The following TTYH2 variants were observed in gnomAD, a reference collection of about 807,000 sequenced individuals.
TTYH2 encodes the protein tweety family member 2.
A neutral mutation model predicts 68.3 loss-of-function variants in TTYH2; 49 were observed. The observed-to-expected ratio is 0.72, with a 90% CI of 0.57 to 0.91. The LOEUF (loss-of-function observed/expected upper bound fraction) is 0.91. TTYH2 is among the 40% of genes least tolerant of loss of function. The pLI is 0.00. For synonymous variants in TTYH2, 272 were observed against 300.8 expected (o/e 0.90, Z 0.99); for missense variants, 631 against 700.4 (o/e 0.90, Z 1.12).
chr17:74,239,741 G>A lies in TTYH2; in HGVS notation c.635+2227G>A, dbSNP rs1433026553. Among the ~76,000 whole-genome samples the A allele has an allele frequency of 2.0e-5, 3 of 152,198 alleles. No individual in the cohort carries two copies. The highest frequency in any genetic ancestry group is 4.4e-5 in the Non-Finnish European group (3 of 68,024). On this transcript the variant is annotated intron_variant, in intron 4 of 13. Coordinates refer to ENST00000269346, the MANE Select transcript of TTYH2 (RefSeq NM_032646.6). The surrounding 1 kb of genome is among the most constrained non-coding windows in gnomAD (Gnocchi z 5.3). ...CTCCCCAGCAGATGGATGCTCATGG[G>A]CAAAAGAGCCTCCCTCCCAAGGGAC...
At chr17:74,231,586 G>A (rs2050390196) in intron 3 of TTYH2, among the ~76,000 whole-genome samples, 1 of 151,944 alleles carries the variant, frequency 6.6e-6, no homozygotes, top group African/African-American at 2.4e-5. Flanking sequence ...CTGAGGCAGG[G>A]AGATCACTTG....
At chr17:74,233,529 G>A (rs2050411326) in intron 3 of TTYH2, among the ~76,000 whole-genome samples, 1 of 152,186 alleles carries the variant, frequency 6.6e-6, no homozygotes, top group Admixed American at 6.5e-5. Flanking sequence ...AGGCAGATGG[G>A]GGACTCGTCG....
chr17:74,260,160 C>T lies in TTYH2; in HGVS notation c.1556C>T (p.Ser519Phe), dbSNP rs374455076. The stretch of plus-strand genomic sequence containing the variant: ...CCCAGCATGAGAGCCACCTACCTGT[C>T]TGTGGCGGATGAGCACCTGAGGCAC... ...YSPSMRATYLSVADEHLRHYG... is the reference protein window; with the variant it reads ...YSPSMRATYLFVADEHLRHYG... The change falls in exon 14 of 14, where the codon TCT becomes TTT. Residue 519 changes from serine (S) to phenylalanine (F), a missense_variant. Physicochemically the swap from Ser to Phe is radical, Grantham distance 155. Coordinates refer to ENST00000269346, the MANE Select transcript of TTYH2 (RefSeq NM_032646.6). 1 of 1,613,826 alleles carries T rather than the reference C, an allele frequency of 6.2e-7. No individual in the cohort carries two copies. The highest frequency in any genetic ancestry group is 8.5e-7 in the Non-Finnish European group (1 of 1,179,868).
At position 74,253,084 on chromosome 17, in the gene TTYH2, CAG is replaced by C. The variant is rs1390274729; in HGVS notation, c.1267_1268del (p.Asp423LeufsTer3). The stretch of plus-strand genomic sequence containing the variant: ...CATCTTCTACCCATTGTTCTAGAAA[CAG>C]AGACTACGATGACATTGATGATGAT... ...RAWKHFTTRN[R>X]DYDDIDDDDP... On this transcript the variant is annotated frameshift_variant, in exon 12 of 14. Coordinates refer to ENST00000269346, the MANE Select transcript of TTYH2 (RefSeq NM_032646.6). LOFTEE classifies it high-confidence loss of function. The C allele has an allele frequency of 6.2e-7, 1 of 1,613,556 alleles. No homozygotes were observed. The highest frequency in any genetic ancestry group is 1.3e-5 in the African/African-American group (1 of 74,904).
Position 74,217,176 on chromosome 17 carries a change from C to G in TTYH2, c.129+3460C>G, listed in dbSNP as rs762919964. ...TCAGTTCTTGAAACATCTTAGTAAG[C>G]TCCCAAAGGCTGTGCAAATGTTAGT... On this transcript the variant is annotated intron_variant, in intron 1 of 13. Coordinates refer to ENST00000269346, the MANE Select transcript of TTYH2 (RefSeq NM_032646.6). The surrounding 1 kb of genome is among the most constrained non-coding windows in gnomAD (Gnocchi z 4.0). 3.3e-5 allele frequency among the ~76,000 whole-genome samples: 5 copies of G among 152,218 alleles called. No individual in the cohort carries two copies. Among genetic ancestry groups the G allele is most frequent in the Non-Finnish European group, 7.3e-5 (5 of 68,040 alleles).
In TTYH2 at chr17:74,214,136, G is replaced by A. The variant is rs2050199138; in HGVS notation, c.129+420G>A. Among the ~76,000 whole-genome samples the A allele has an allele frequency of 6.6e-6, 1 of 152,166 alleles. No individual in the cohort carries two copies. The highest frequency in any genetic ancestry group is 6.5e-5 in the Admixed American group (1 of 15,276). ...TTCGACCGTCTGAGATTCCAAGATG[G>A]GGCGCTCTCTTTCCGGGGCTGAGTG... On this transcript the variant is annotated intron_variant, in intron 1 of 13. Coordinates refer to ENST00000269346, the MANE Select transcript of TTYH2 (RefSeq NM_032646.6). The surrounding 1 kb of genome is among the most constrained non-coding windows in gnomAD (Gnocchi z 4.6).
chr17:74,238,252 G>A (rs1279996480), intron 4 of TTYH2, among the ~76,000 whole-genome samples: 1 of 152,196 alleles, frequency 6.6e-6, no homozygotes, highest in African/African-American at 2.4e-5. Context: ...GGGTTATGGG[G>A]GGTTGAGGAG....
At chr17:74,242,907 C>G (rs968494628) in intron 4 of TTYH2, among the ~76,000 whole-genome samples, 10 of 152,118 alleles carry the variant, frequency 6.6e-5, no homozygotes, top group African/African-American at 2.4e-4. Flanking sequence ...GCTGGGAGGC[C>G]GCAGAAAGAC....
At chr17:74,249,877 CACT>C in intron 8 of TTYH2, 56 bp from the exon 9 acceptor site, 1 of 1,159,796 alleles carries the variant, frequency 8.6e-7, no homozygotes, top group South Asian at 1.3e-5. Flanking sequence ...GACGGAGCCT[CACT>C]GTGGGGCTCC....
At chr17:74,219,337 C>G (rs899099635) in intron 1 of TTYH2, among the ~76,000 whole-genome samples, 2 of 147,358 alleles carry the variant, frequency 1.4e-5, no homozygotes, top group South Asian at 2.1e-4. Flanking sequence ...TGCAGTGAGC[C>G]GAGATTGTAC....
chr17:74,220,578 G>A (rs1451638092), intron 1 of TTYH2, among the ~76,000 whole-genome samples: 2 of 152,312 alleles, frequency 1.3e-5, no homozygotes, highest in East Asian at 1.9e-4. Context: ...GGGCCCTCTG[G>A]TGAAGGGGCA....
At chr17:74,253,868 A>G in intron 13 of TTYH2, 35 bp downstream of exon 13, 4 of 1,607,058 alleles carry the variant, frequency 2.5e-6, no homozygotes, top group Non-Finnish European at 3.4e-6. Flanking sequence ...TGTTGGGGTA[A>G]TACATAAAGA....
intron 3 of TTYH2, 126 bp from the exon 4 acceptor site, chr17:74,237,168 G>A (rs2050451483): frequency 2.2e-6 from 2 of 925,728 alleles, no homozygotes; most frequent in South Asian, 1.6e-5. Context: ...CCGAAGTGCT[G>A]GGATGACAGG....
intron 4 of TTYH2, among the ~76,000 whole-genome samples, chr17:74,242,636 G>T (rs2050513216): frequency 6.6e-6 from 1 of 152,214 alleles, no homozygotes; most frequent in African/African-American, 2.4e-5. Flanking sequence ...CAAGTGATCT[G>T]CCCGTCTTGG....
chr17:74,219,366 C>T (rs140696181), intron 1 of TTYH2, among the ~76,000 whole-genome samples: 3 of 130,244 alleles, frequency 2.3e-5, no homozygotes, highest in African/African-American at 4.1e-5. Flanking sequence ...TCCAGCCTGG[C>T]GACAGAGCAA....
chr17:74,254,689 C>T lies in TTYH2; in HGVS notation c.1524+856C>T, dbSNP rs1433315793. Among the ~76,000 whole-genome samples, 9 of 152,344 alleles carry T rather than the reference C, an allele frequency of 5.9e-5. No individual in the cohort carries two copies. The East Asian group carries it at 1.5e-3, about 26-fold the overall frequency. Reference sequence around the variant, plus strand: ...CATATTCAGCCTTTAAGAAGGTTTGCAGACATCTCAAAAGACAGAAATTAT... The same window carrying T: ...CATATTCAGCCTTTAAGAAGGTTTGTAGACATCTCAAAAGACAGAAATTAT... On this transcript the variant is annotated intron_variant, in intron 13 of 13. Coordinates refer to ENST00000269346, the MANE Select transcript of TTYH2 (RefSeq NM_032646.6).
Position 74,222,437 on chromosome 17 carries a change from C to A in TTYH2, c.130-48C>A. The A allele has an allele frequency of 1.9e-6, 3 of 1,557,014 alleles. No individual in the cohort carries two copies. The highest frequency in any genetic ancestry group is 2.6e-6 in the Non-Finnish European group (3 of 1,154,050). On this transcript the variant is annotated intron_variant, in intron 1 of 13. Coordinates refer to ENST00000269346, the MANE Select transcript of TTYH2 (RefSeq NM_032646.6). This position sits in a 1 kb window ranked among gnomAD's most constrained non-coding sequence, Gnocchi z 5.2. Reference sequence around the variant, plus strand: ...CCAAGGGCAGGGCACTTCCAGAGCCCCGCACTGCAGGGATGAAGAGTGACA... The same window carrying A: ...CCAAGGGCAGGGCACTTCCAGAGCCACGCACTGCAGGGATGAAGAGTGACA...
At chr17:74,252,858 A>C (rs1246315689) in intron 11 of TTYH2, among the ~76,000 whole-genome samples, 1 of 152,170 alleles carries the variant, frequency 6.6e-6, no homozygotes, top group Admixed American at 6.5e-5. Context: ...CCACATGCGC[A>C]TGGTCAGCGT....
At chr17:74,225,337 G>A (rs1201256449) in intron 2 of TTYH2, among the ~76,000 whole-genome samples, 1 of 152,122 alleles carries the variant, frequency 6.6e-6, no homozygotes, top group African/African-American at 2.4e-5. Flanking sequence ...AAAGTGTCAC[G>A]GGGTCAGAAG....
Sources: gnomAD v4.1 joint callset for allele counts (sites outside exome capture counted in the v4.1 genomes callset) on GRCh38, gnomAD v4.1.1 for gene constraint, Gnocchi (gnomAD v3.1) non-coding constraint, MANE v1.5 for transcripts, NCBI Gene and HGNC (gene_info 2026-07-23, HGNC 2026-07-21) for gene names.